MSRA: variants seen among roughly 807,000 people sequenced by gnomAD.
MSRA encodes methionine sulfoxide reductase A, also known as mitochondrial peptide methionine sulfoxide reductase.
Under a neutral mutation model 31.3 loss-of-function variants are expected in MSRA, and 54 were observed. The ratio of observed to expected loss-of-function variants is 1.73; its 90% CI spans 1.39 to 2.17. The LOEUF is 2.17. Ranked by LOEUF, MSRA falls within the 30% of genes most tolerant of loss-of-function variation. The probability of loss-of-function intolerance (pLI) is 0.00; values close to 1 mark genes in which losing one functional copy is unlikely to be tolerated. For synonymous variants in MSRA, 169 were observed against 116.5 expected (o/e 1.45, Z -2.90); for missense variants, 507 against 300.9 (o/e 1.69, Z -5.07).
At chr8:10,355,908 C>T (rs191183017) in intron 5 of MSRA, among the ~76,000 whole-genome samples, 2 of 152,278 alleles carry the variant, frequency 1.3e-5, no homozygotes, top group East Asian at 3.9e-4. Context: ...CTCCTGGAGT[C>T]TGAGCCATAG....
chr8:10,427,885 G>A (rs1260697749), intron 5 of MSRA, among the ~76,000 whole-genome samples: 4 of 152,184 alleles, frequency 2.6e-5, no homozygotes, highest in Non-Finnish European at 4.4e-5. Flanking sequence ...TGGGATGGCA[G>A]GGGTGTGGGG....
At chr8:10,374,397 C>T (rs1017428228) in intron 5 of MSRA, among the ~76,000 whole-genome samples, 1 of 152,096 alleles carries the variant, frequency 6.6e-6, no homozygotes, top group Non-Finnish European at 1.5e-5. Flanking sequence ...GAATAGCCAC[C>T]AACCTAGCAC....
chr8:10,086,823 A>T (rs1245581905), intron 1 of MSRA, among the ~76,000 whole-genome samples: 1 of 149,860 alleles, frequency 6.7e-6, no homozygotes, highest in Non-Finnish European at 1.5e-5. Context: ...GGGAAAGGAG[A>T]GGAGAGGCGA....
chr8:10,178,689 C>T (rs1038672089), intron 1 of MSRA, among the ~76,000 whole-genome samples: 34 of 152,178 alleles, frequency 2.2e-4, no homozygotes, highest in Non-Finnish European at 3.7e-4. Context: ...TTTGTTTCTT[C>T]AGTTGAAATT....
intron 1 of MSRA, among the ~76,000 whole-genome samples, chr8:10,100,694 T>C (rs915597752): frequency 7.2e-5 from 11 of 152,156 alleles, no homozygotes; most frequent in Non-Finnish European, 1.0e-4. Context: ...TCTGCAAAGC[T>C]CGACTTAAAA....
intron 3 of MSRA, chr8:10,250,692 G>T (rs1319514452): frequency 5.4e-6 from 3 of 550,814 alleles, no homozygotes; most frequent in Non-Finnish European, 9.7e-6. Context: ...TGACCCTCTG[G>T]GGGTGGTGAT....
chr8:10,158,613 C>T (rs74754883), intron 1 of MSRA, among the ~76,000 whole-genome samples: 6,057 of 152,308 alleles, frequency 0.04, 157 homozygotes, highest in South Asian at 0.068. Context: ...GGAGACACCA[C>T]ATTTTATGTA....
intron 1 of MSRA, among the ~76,000 whole-genome samples, chr8:10,183,829 C>T (rs868473533): frequency 7.3e-6 from 1 of 137,062 alleles, no homozygotes; most frequent in African/African-American, 2.8e-5. Context: ...GCTGCTGCTG[C>T]TGGTGGTATT....
intron 1 of MSRA, among the ~76,000 whole-genome samples, chr8:10,084,263 CTCTT>C (rs914240247): frequency 9.8e-5 from 15 of 152,360 alleles, no homozygotes; most frequent in African/African-American, 3.4e-4. Context: ...GGGCCTTAGC[CTCTT>C]TCTTTAAGGT....
chr8:10,335,254 T>TTTTG (rs1347270918), intron 5 of MSRA, among the ~76,000 whole-genome samples: 1 of 146,302 alleles, frequency 6.8e-6, no homozygotes, highest in African/African-American at 2.5e-5. Context: ...AGCTCTGTTT[T>TTTTG]TTTTTTTTTT....
intron 2 of MSRA, among the ~76,000 whole-genome samples, chr8:10,240,941 G>A (rs1290556876): frequency 1.3e-5 from 2 of 152,124 alleles, no homozygotes; most frequent in African/African-American, 4.8e-5. Flanking sequence ...GGTGCAGCCT[G>A]GTGGGTGCTG....
chr8:10,160,048 C>G (rs1804501124), intron 1 of MSRA, among the ~76,000 whole-genome samples: 1 of 152,176 alleles, frequency 6.6e-6, no homozygotes, highest in Non-Finnish European at 1.5e-5. Context: ...GTGTTGAGAT[C>G]AAGTGCTTTT....
chr8:10,070,377 A>G (rs982338059), intron 1 of MSRA, among the ~76,000 whole-genome samples: 1 of 152,216 alleles, frequency 6.6e-6, no homozygotes, highest in Non-Finnish European at 1.5e-5. Flanking sequence ...GGGGTTGGCA[A>G]ATAATAGCCC....
intron 1 of MSRA, among the ~76,000 whole-genome samples, chr8:10,175,368 A>C (rs1805958219): frequency 6.6e-6 from 1 of 152,120 alleles, no homozygotes; most frequent in South Asian, 2.1e-4. Flanking sequence ...GAACATGTTT[A>C]CCCTGTTGGA....
chr8:10,411,446 T>C (rs899894019), intron 5 of MSRA: 8 of 152,224 alleles, frequency 5.3e-5, no homozygotes, highest in African/African-American at 1.7e-4. Context: ...TTTGCTCATA[T>C]AGCCCTTATT....
chr8:10,315,584 A>G (rs1394463570), intron 4 of MSRA, among the ~76,000 whole-genome samples: 1 of 152,226 alleles, frequency 6.6e-6, no homozygotes, highest in African/African-American at 2.4e-5. Context: ...TAATATGTCG[A>G]TTGCTACTTC....
intron 2 of MSRA, among the ~76,000 whole-genome samples, chr8:10,215,353 A>G (rs927029976): frequency 3.3e-5 from 5 of 152,158 alleles, no homozygotes; most frequent in African/African-American, 4.8e-5. Context: ...ACATGACAAG[A>G]AAACTGTTTG....
intron 5 of MSRA, among the ~76,000 whole-genome samples, chr8:10,398,182 G>T (rs1396063803): frequency 6.6e-6 from 1 of 152,302 alleles, no homozygotes; most frequent in East Asian, 1.9e-4. Context: ...ACTCTAAGAA[G>T]TTAAGTTCTT....
chr8:10,141,139 A>C (rs138354873), intron 1 of MSRA, among the ~76,000 whole-genome samples: 1 of 152,194 alleles, frequency 6.6e-6, no homozygotes, highest in African/African-American at 2.4e-5. Flanking sequence ...TCTGTCATCC[A>C]CTGGCCACCA....
Sources: gnomAD v4.1 joint callset for allele counts (sites outside exome capture counted in the v4.1 genomes callset) on GRCh38, gnomAD v4.1.1 for gene constraint, MANE v1.5 for transcripts, NCBI Gene and HGNC (gene_info 2026-07-23, HGNC 2026-07-21) for gene names.